Variants in DOCK3 observed in about 807,000 individuals in gnomAD.
DOCK3 encodes the protein dedicator of cytokinesis 3, also known as dedicator of cytokinesis protein 3.
Under a neutral mutation model 265.6 loss-of-function variants are expected in DOCK3, and 60 were observed. The observed-to-expected ratio is 0.23, with a 90% CI of 0.18 to 0.28. The LOEUF (loss-of-function observed/expected upper bound fraction) is 0.28. DOCK3 is among the 10% of genes least tolerant of loss of function. The pLI is 1.00. For synonymous variants in DOCK3, 881 were observed against 938.0 expected, an observed-to-expected ratio of 0.94 and a Z score of 1.11; for missense variants, 1,981 against 2,594.3, an observed-to-expected ratio of 0.76 and a Z score of 5.14.
chr3:50,920,177 G>A (rs1463240048), intron 4 of DOCK3, among the ~76,000 whole-genome samples: 3 of 152,106 alleles, frequency 2.0e-5, no homozygotes, highest in Non-Finnish European at 4.4e-5. Context: ...TTTTTGCATC[G>A]ATTTTCATCA....
At chr3:51,192,122 G>A (rs1478501948) in intron 12 of DOCK3, among the ~76,000 whole-genome samples, 2 of 151,022 alleles carry the variant, frequency 1.3e-5, no homozygotes, top group South Asian at 4.2e-4. Context: ...TTTTGTTTTT[G>A]TTGCCTTTTG....
At chr3:50,787,966 C>T in intron 2 of DOCK3, 1 of 892,796 alleles carries the variant, frequency 1.1e-6, no homozygotes, top group Admixed American at 1.8e-5. Context: ...CCTCTTCTTC[C>T]TCCTCCTCTT....
At chr3:50,812,936 T>C (rs1038767767) in intron 2 of DOCK3, among the ~76,000 whole-genome samples, 3 of 152,250 alleles carry the variant, frequency 2.0e-5, no homozygotes, top group African/African-American at 7.2e-5. Flanking sequence ...CGCAATTGCA[T>C]GTAGCATCAT....
chr3:50,864,033 A>G (rs960952897), intron 3 of DOCK3, among the ~76,000 whole-genome samples: 1 of 152,196 alleles, frequency 6.6e-6, no homozygotes. Context: ...AGGAACCCCT[A>G]TATTGTTTTC....
At chr3:51,043,665 T>G (rs1315046875) in intron 5 of DOCK3, among the ~76,000 whole-genome samples, 3 of 151,320 alleles carry the variant, frequency 2.0e-5, no homozygotes, top group African/African-American at 7.3e-5. Flanking sequence ...TGGGAGAAAA[T>G]TTTTGCATTA....
intron 1 of DOCK3, among the ~76,000 whole-genome samples, chr3:50,759,980 T>C (rs1211819255): frequency 2.0e-5 from 3 of 152,120 alleles, no homozygotes; most frequent in Non-Finnish European, 2.9e-5. Flanking sequence ...TTGTTGTTGA[T>C]GTAGCCTTTG....
intron 5 of DOCK3, among the ~76,000 whole-genome samples, chr3:50,963,049 G>T (rs1184864357): frequency 1.3e-5 from 2 of 152,254 alleles, no homozygotes; most frequent in East Asian, 3.9e-4. Flanking sequence ...GCCGGGTGTG[G>T]TGGCACACAC....
At chr3:50,910,083 C>T (rs1359719399) in intron 4 of DOCK3, among the ~76,000 whole-genome samples, 1 of 151,916 alleles carries the variant, frequency 6.6e-6, no homozygotes, top group Non-Finnish European at 1.5e-5. Context: ...CAGTTATGCT[C>T]CTTTCTAAAA....
At chr3:51,178,444 C>T (rs533505889) in intron 12 of DOCK3, among the ~76,000 whole-genome samples, 1 of 152,266 alleles carries the variant, frequency 6.6e-6, no homozygotes, top group African/African-American at 2.4e-5. Context: ...CTTTGCTACC[C>T]CATTAAATTC....
intron 46 of DOCK3, among the ~76,000 whole-genome samples, chr3:51,358,597 T>C (rs2086526238): frequency 6.6e-6 from 1 of 152,274 alleles, no homozygotes; most frequent in African/African-American, 2.4e-5. Context: ...TCCCTCCCTC[T>C]TATTCCCAGC....
At chr3:50,743,698 T>G (rs1054418991) in intron 1 of DOCK3, among the ~76,000 whole-genome samples, 6 of 152,190 alleles carry the variant, frequency 3.9e-5, no homozygotes, top group Non-Finnish European at 8.8e-5. Context: ...AGCAAGTCCT[T>G]AGTGACCTAC....
chr3:51,136,896 G>C (rs1286052292), intron 9 of DOCK3, among the ~76,000 whole-genome samples: 2 of 152,008 alleles, frequency 1.3e-5, no homozygotes, highest in Non-Finnish European at 2.9e-5. Context: ...AAGAAAATCT[G>C]CTTCTTAATT....
At position 51,098,987 on chromosome 3, in the gene DOCK3, C is replaced by G. The variant is rs568638462; in HGVS notation, c.746+8603C>G. Among the ~76,000 whole-genome samples the G allele has an allele frequency of 8.7e-4, 133 of 152,292 alleles. 3 individuals are homozygous for G. The South Asian group carries it at 0.027, about 31-fold the overall frequency. ...CATCCACAAAGAAAGCTAATGATTTCTGTGCCCTATGGATGAGGAGGCCAA... is the reference window on the plus strand; with the variant it reads ...CATCCACAAAGAAAGCTAATGATTTGTGTGCCCTATGGATGAGGAGGCCAA... On this transcript the variant is annotated intron_variant, in intron 9 of 52. Coordinates refer to ENST00000266037, the MANE Select transcript of DOCK3 (RefSeq NM_004947.5).
Position 50,935,164 on chromosome 3 carries a change from C to T in DOCK3, c.315+1087C>T, listed in dbSNP as rs536194239. On this transcript the variant is annotated intron_variant, in intron 5 of 52. Coordinates refer to ENST00000266037, the MANE Select transcript of DOCK3 (RefSeq NM_004947.5). ...AAATTAGTGCCAAGGAAAGCCTGTT[C>T]TCTCTAGCCAAAGGATAGCCCCAAA... 1.2e-3 allele frequency among the ~76,000 whole-genome samples: 183 copies of T among 152,288 alleles called. 1 individual carries two copies. Among genetic ancestry groups the T allele is most frequent in the African/African-American group, 4.1e-3 (172 of 41,542 alleles).
intron 12 of DOCK3, among the ~76,000 whole-genome samples, chr3:51,169,691 G>T (rs774243463): frequency 6.6e-6 from 1 of 151,026 alleles, no homozygotes; most frequent in Non-Finnish European, 1.5e-5. Context: ...CTTATGATAC[G>T]AGTTTACCTA....
At chr3:51,084,898 T>A (rs1576013829) in intron 7 of DOCK3, among the ~76,000 whole-genome samples, 1 of 152,312 alleles carries the variant, frequency 6.6e-6, no homozygotes, top group East Asian at 1.9e-4. Context: ...GAATTGATTT[T>A]AAAAATCAAG....
At chr3:51,350,960 C>T (rs1279495309) in intron 40 of DOCK3, among the ~76,000 whole-genome samples, 1 of 152,230 alleles carries the variant, frequency 6.6e-6, no homozygotes, top group Admixed American at 6.5e-5. Context: ...TTCTAGGCAG[C>T]CAGTTCTCTG....
At chr3:51,038,197 T>A (rs566144114) in intron 5 of DOCK3, among the ~76,000 whole-genome samples, 1 of 152,332 alleles carries the variant, frequency 6.6e-6, no homozygotes, top group Admixed American at 6.5e-5. Flanking sequence ...ATTCCATTTT[T>A]AGGGCACATC....
intron 5 of DOCK3, among the ~76,000 whole-genome samples, chr3:51,028,506 A>C (rs374625935): frequency 5.3e-5 from 8 of 152,270 alleles, no homozygotes; most frequent in African/African-American, 1.9e-4. Context: ...TATACCCTCA[A>C]ATACGTTTTC....
Sources: allele counts gnomAD v4.1 joint callset (sites outside exome capture counted in the v4.1 genomes callset), GRCh38; gene constraint gnomAD v4.1.1; transcripts MANE v1.5; gene names NCBI Gene and HGNC (gene_info 2026-07-23, HGNC 2026-07-21).